AXDND1: variants seen among roughly 807,000 people sequenced by gnomAD.
AXDND1 encodes axonemal dynein light chain domain-containing protein 1.
In AXDND1, 110 loss-of-function variants were observed where a neutral mutation model predicts 137.5. That is an observed-to-expected ratio of 0.80 (90% CI 0.69 to 0.94). The LOEUF is 0.94. AXDND1 is among the 40% of genes least tolerant of loss of function. AXDND1 has a pLI of 0.00. For synonymous variants in AXDND1, 414 were observed against 399.7 expected (o/e 1.04, Z -0.43); for missense variants, 1,191 against 1,169.8 (o/e 1.02, Z -0.26).
At chr1:179,436,287 A>G (rs1658138211) in intron 15 of AXDND1, among the ~76,000 whole-genome samples, 1 of 152,248 alleles carries the variant, frequency 6.6e-6, no homozygotes, top group Admixed American at 6.5e-5. Context: ...CAATGTAGTG[A>G]TGCCTCAAGG....
chr1:179,484,098 T>TC (rs1452210216), intron 18 of AXDND1, among the ~76,000 whole-genome samples: 1 of 152,032 alleles, frequency 6.6e-6, no homozygotes, highest in African/African-American at 2.4e-5. Context: ...TCCTTCCTGG[T>TC]CCCCAGTGAC....
chr1:179,448,434 G>C lies in AXDND1; in HGVS notation c.1798+3230G>C, dbSNP rs1660041649. The C allele has an allele frequency of 2.4e-5, 13 of 547,816 alleles. 1 individual carries two copies. In the Admixed American group the frequency reaches 3.4e-4, roughly 14 times the overall value. 33.9% of individuals were successfully genotyped at this position (547,816 alleles called of 1,614,324 possible). A position where few individuals can be genotyped will look rare whatever the true frequency, so the allele number is the denominator to read the frequency against. ...ATGCATGTGATTTGTATTTTCTTCT[G>C]CACCATTTTCAGCCACCTTTCCTTA... On this transcript the variant is annotated intron_variant, in intron 16 of 25. Transcript: ENST00000367618.
In AXDND1 at chr1:179,506,806, C is replaced by T; in HGVS notation, c.2389-2490C>T. On this transcript the variant is annotated intron_variant, in intron 20 of 25. Transcript: ENST00000367618. ...GTGTAGTCTGCCATCCACCTTGGAC[C>T]ACAATAGGCTTTCTTTATGTCACCA... 4 of 972,618 alleles carry T rather than the reference C, an allele frequency of 4.1e-6. No homozygotes were observed. In the South Asian group the frequency reaches 1.9e-4, roughly 46 times the overall value. The allele number at this position is 972,618 out of a possible 1,614,324, so 60.2% of individuals were successfully genotyped here.
chr1:179,467,418 A>T (rs1180933494), intron 16 of AXDND1, among the ~76,000 whole-genome samples: 1 of 152,236 alleles, frequency 6.6e-6, no homozygotes, highest in Non-Finnish European at 1.5e-5. Context: ...AAAAAAAATT[A>T]AAAAGTACAA....
chr1:179,442,520 C>T (rs934450113), intron 15 of AXDND1, among the ~76,000 whole-genome samples: 3 of 152,172 alleles, frequency 2.0e-5, no homozygotes, highest in Non-Finnish European at 2.9e-5. Flanking sequence ...GCAGCTTAGT[C>T]AATGTCTGAG....
At chr1:179,495,631 G>A (rs1407524587) in intron 20 of AXDND1, among the ~76,000 whole-genome samples, 1 of 151,546 alleles carries the variant, frequency 6.6e-6, no homozygotes. Flanking sequence ...CAGTCATGCA[G>A]TCATGTTATC....
At chr1:179,470,112 G>T (rs1177596913) in intron 17 of AXDND1, among the ~76,000 whole-genome samples, 1 of 152,128 alleles carries the variant, frequency 6.6e-6, no homozygotes, top group Non-Finnish European at 1.5e-5. Context: ...TGACAATTTT[G>T]ATGAAAATCA....
intron 15 of AXDND1, among the ~76,000 whole-genome samples, chr1:179,435,720 C>T (rs1658054037): frequency 6.6e-6 from 1 of 150,730 alleles, no homozygotes; most frequent in South Asian, 2.1e-4. Flanking sequence ...TTTAAAATCC[C>T]AAACAATAAA....
At chr1:179,401,770 T>C (rs1390567136) in intron 11 of AXDND1, among the ~76,000 whole-genome samples, 1 of 150,612 alleles carries the variant, frequency 6.6e-6, no homozygotes, top group Non-Finnish European at 1.5e-5. Flanking sequence ...TTTCATTCTC[T>C]CTTTGCCTGC....
intron 2 of AXDND1, among the ~76,000 whole-genome samples, chr1:179,366,839 T>C (rs11799784): frequency 0.46 from 69,911 of 151,998 alleles, 16,215 homozygotes; most frequent in East Asian, 0.52. Context: ...TGTTGATTTA[T>C]ATATGATTTT....
chr1:179,493,293 G>C (rs1667120208), intron 20 of AXDND1, among the ~76,000 whole-genome samples: 2 of 151,910 alleles, frequency 1.3e-5, no homozygotes, highest in Non-Finnish European at 2.9e-5. Flanking sequence ...ATTTCACTAA[G>C]CATGATTACT....
At chr1:179,388,106 G>A (rs1356668010) in intron 9 of AXDND1, among the ~76,000 whole-genome samples, 1 of 152,130 alleles carries the variant, frequency 6.6e-6, no homozygotes, top group Non-Finnish European at 1.5e-5. Context: ...CAAGGCATTA[G>A]GCTGGCACAA....
At chr1:179,532,838 T>G (rs1193313387) in intron 23 of AXDND1, 1 of 152,212 alleles carries the variant, frequency 6.6e-6, no homozygotes, top group East Asian at 1.9e-4. Flanking sequence ...TGAGCTATGA[T>G]TGTGCCACTG....
At chr1:179,469,122 G>A (rs1337985761) in intron 17 of AXDND1, among the ~76,000 whole-genome samples, 3 of 151,992 alleles carry the variant, frequency 2.0e-5, no homozygotes, top group African/African-American at 7.3e-5. Context: ...TAGAGACGGG[G>A]TTTCACCATG....
At chr1:179,435,470 A>G (rs1449915591) in intron 15 of AXDND1, among the ~76,000 whole-genome samples, 1 of 152,238 alleles carries the variant, frequency 6.6e-6, no homozygotes, top group African/African-American at 2.4e-5. Context: ...CCAAAACGTC[A>G]TGGTACTGGT....
chr1:179,477,175 A>C (rs2125516278), intron 17 of AXDND1, among the ~76,000 whole-genome samples: 1 of 151,568 alleles, frequency 6.6e-6, no homozygotes, highest in East Asian at 1.9e-4. Flanking sequence ...TTCACTCTAA[A>C]ATTTTCATTT....
At chr1:179,531,551 TC>T (rs558659983) in intron 23 of AXDND1, among the ~76,000 whole-genome samples, 7 of 152,220 alleles carry the variant, frequency 4.6e-5, no homozygotes, top group African/African-American at 1.7e-4. Context: ...GTGGCTTCAA[TC>T]ACCAGGTGCT....
intron 12 of AXDND1, among the ~76,000 whole-genome samples, chr1:179,422,050 A>G (rs1328871176): frequency 6.6e-6 from 1 of 151,994 alleles, no homozygotes; most frequent in Non-Finnish European, 1.5e-5. Flanking sequence ...CAAAAGAAAA[A>G]AAAAAAAAAA....
chr1:179,432,380 C>G, intron 15 of AXDND1, 38 bp downstream of exon 15: 7 of 1,515,510 alleles, frequency 4.6e-6, no homozygotes, highest in Non-Finnish European at 6.2e-6. Flanking sequence ...AATCAAAGTG[C>G]TGATTGTAAA....
Sources: gnomAD v4.1 joint callset for allele counts (sites outside exome capture counted in the v4.1 genomes callset) on GRCh38, gnomAD v4.1.1 for gene constraint, MANE v1.5 for transcripts, NCBI Gene and HGNC (gene_info 2026-07-23, HGNC 2026-07-21) for gene names.